Variants in NOX4 observed in about 807,000 individuals in gnomAD.
NOX4 encodes the protein kidney oxidase-1.
In NOX4, 69 loss-of-function variants were observed where a neutral mutation model predicts 87.6. The ratio of observed to expected loss-of-function variants is 0.79; its 90% confidence interval spans 0.65 to 0.96. The LOEUF (loss-of-function observed/expected upper bound fraction) is 0.96, where lower values mean the gene tolerates loss of function less well. NOX4 is among the 40% of genes least tolerant of loss of function. The pLI is 0.00. For missense variants in NOX4, 680 were observed against 681.5 expected (o/e 1.00, Z 0.02); for synonymous variants, 275 against 238.2 (o/e 1.15, Z -1.42).
chr11:89,523,533 T>C, the NOX4 span, among the ~76,000 whole-genome samples: 1 of 152,236 alleles, frequency 6.6e-6, no homozygotes, highest in Non-Finnish European at 1.5e-5. Context: ...GCTTTGTTAT[T>C]TAACTGTTCA....
At chr11:89,526,439 A>G in the NOX4 span, among the ~76,000 whole-genome samples, 1 of 152,190 alleles carries the variant, frequency 6.6e-6, no homozygotes, top group East Asian at 1.9e-4. Context: ...AGATGAAAAT[A>G]TCAATTTTCA....
At chr11:89,347,081 G>C (rs963337840) in intron 13 of NOX4, among the ~76,000 whole-genome samples, 3 of 152,160 alleles carry the variant, frequency 2.0e-5, no homozygotes, top group Non-Finnish European at 4.4e-5. Flanking sequence ...TAAATTTAAG[G>C]ATTAGAAGAT....
chr11:89,548,252 C>G, the NOX4 span: 6 of 152,076 alleles, frequency 3.9e-5, no homozygotes, highest in African/African-American at 1.4e-4. Context: ...GTTGAGCCCT[C>G]ATTAATGGAA....
intron 11 of NOX4, among the ~76,000 whole-genome samples, chr11:89,399,497 T>C (rs936578265): frequency 2.8e-5 from 4 of 144,070 alleles, no homozygotes; most frequent in South Asian, 2.2e-4. Flanking sequence ...AAGGTCTCAC[T>C]CTCTTGCTCA....
At chr11:89,533,682 G>T in the NOX4 span, 1 of 152,320 alleles carries the variant, frequency 6.6e-6, no homozygotes, top group Non-Finnish European at 1.5e-5. Flanking sequence ...AAATAACTTA[G>T]ATCCCAAGAA....
the NOX4 span, among the ~76,000 whole-genome samples, chr11:89,583,169 G>A: frequency 6.6e-6 from 1 of 151,884 alleles, no homozygotes; most frequent in Admixed American, 6.6e-5. Flanking sequence ...TGTACTTGAA[G>A]TTAATTACTT....
At chr11:89,571,710 C>T in the NOX4 span, among the ~76,000 whole-genome samples, 1 of 150,854 alleles carries the variant, frequency 6.6e-6, no homozygotes, top group African/African-American at 2.4e-5. Context: ...AAAAATAAAC[C>T]TCAGGACCCC....
chr11:89,398,587 G>A (rs1436648501), intron 11 of NOX4, among the ~76,000 whole-genome samples: 1 of 150,984 alleles, frequency 6.6e-6, no homozygotes, highest in Non-Finnish European at 1.5e-5. Context: ...CTATTTTCAT[G>A]TTACCAATTT....
intron 16 of NOX4, among the ~76,000 whole-genome samples, chr11:89,336,787 A>G (rs1398265384): frequency 6.6e-6 from 1 of 152,002 alleles, no homozygotes; most frequent in Admixed American, 6.6e-5. Flanking sequence ...TGGAAAACTT[A>G]GAGTTAGATT....
the NOX4 span, among the ~76,000 whole-genome samples, chr11:89,584,490 G>T: frequency 6.6e-6 from 1 of 152,290 alleles, no homozygotes; most frequent in African/African-American, 2.4e-5. Context: ...GATGTTTGAA[G>T]TGTGTGGTAA....
chr11:89,371,386 AAATT>A (rs1939434513), intron 12 of NOX4, among the ~76,000 whole-genome samples: 1 of 151,996 alleles, frequency 6.6e-6, no homozygotes, highest in Admixed American at 6.6e-5. Flanking sequence ...AGGGAGAATA[AAATT>A]AACACTATTA....
the NOX4 span, among the ~76,000 whole-genome samples, chr11:89,530,154 A>G: frequency 1.3e-5 from 2 of 151,634 alleles, no homozygotes; most frequent in Admixed American, 6.6e-5. Context: ...AAGGTTAAAC[A>G]ATATCCAAAT....
intron 12 of NOX4, among the ~76,000 whole-genome samples, chr11:89,360,355 C>T (rs1209212315): frequency 6.6e-6 from 1 of 152,054 alleles, no homozygotes; most frequent in Non-Finnish European, 1.5e-5. Context: ...TTACCACACA[C>T]AACAAAGGTA....
At chr11:89,582,316 G>T in the NOX4 span, among the ~76,000 whole-genome samples, 220 of 151,806 alleles carry the variant, frequency 1.4e-3, 3 homozygotes, top group East Asian at 0.039. Context: ...TCCATATTGT[G>T]GCTATTGTGA....
At chr11:89,344,453 G>T (rs1360653895) in intron 13 of NOX4, among the ~76,000 whole-genome samples, 1 of 152,118 alleles carries the variant, frequency 6.6e-6, no homozygotes, top group Non-Finnish European at 1.5e-5. Context: ...GGGAGGCTGA[G>T]GCAGGAGGAT....
At chr11:89,392,438 T>A (rs1186681192) in intron 11 of NOX4, among the ~76,000 whole-genome samples, 2 of 152,166 alleles carry the variant, frequency 1.3e-5, no homozygotes, top group Non-Finnish European at 2.9e-5. Context: ...AGCTCTCTTG[T>A]CTTTTTTCAC....
At chr11:89,487,689 T>C (rs985573743) in intron 2 of NOX4, among the ~76,000 whole-genome samples, 36 of 152,182 alleles carry the variant, frequency 2.4e-4, no homozygotes, top group African/African-American at 8.7e-4. Flanking sequence ...GGACCAAGTG[T>C]TTGCTAAGTT....
At chr11:89,421,852 C>A (rs1943098458) in intron 8 of NOX4, 50 bp downstream of exon 8, 1 of 1,103,428 alleles carries the variant, frequency 9.1e-7, no homozygotes, top group Non-Finnish European at 1.3e-6. Flanking sequence ...TCTTTCATTA[C>A]CCCATTTTGG....
chr11:89,414,468 T>A (rs1363302727), intron 8 of NOX4, among the ~76,000 whole-genome samples: 1 of 151,826 alleles, frequency 6.6e-6, no homozygotes, highest in Non-Finnish European at 1.5e-5. Flanking sequence ...TTTGACTTAA[T>A]CCTTTTATAA....
Sources: allele counts gnomAD v4.1 joint callset (sites outside exome capture counted in the v4.1 genomes callset), GRCh38; gene constraint gnomAD v4.1.1; transcripts MANE v1.5; gene names NCBI Gene and HGNC (gene_info 2026-07-23, HGNC 2026-07-21).